UBE2L3: variants seen among roughly 807,000 people sequenced by gnomAD.
The protein encoded by UBE2L3 is ubiquitin conjugating enzyme E2 L3.
A neutral mutation model predicts 17.8 loss-of-function variants in UBE2L3; 1 was observed. The ratio of observed to expected loss-of-function variants is 0.06; its 90% confidence interval spans 0.02 to 0.27. The LOEUF (loss-of-function observed/expected upper bound fraction) is 0.27, where lower values mean the gene tolerates loss of function less well. Among genes scored for constraint, UBE2L3 ranks in the 10% least tolerant of loss-of-function variants. UBE2L3 has a pLI of 1.00. For missense variants in UBE2L3, 40 were observed against 192.6 expected, an observed-to-expected ratio of 0.21 and a Z score of 4.69; for synonymous variants, 44 against 68.5, an observed-to-expected ratio of 0.64 and a Z score of 1.76.
chr22:21,584,844 C>G (rs73400426), intron 1 of UBE2L3, among the ~76,000 whole-genome samples: 12,002 of 152,024 alleles, frequency 0.079, 1,641 homozygotes, highest in African/African-American at 0.27. Context: ...GCCTGTAGCC[C>G]CAGCTACTCA....
chr22:21,614,079 G>C (rs1039132562), intron 3 of UBE2L3, among the ~76,000 whole-genome samples: 3 of 152,200 alleles, frequency 2.0e-5, no homozygotes, highest in Non-Finnish European at 4.4e-5. Flanking sequence ...GAGTCCCCTT[G>C]CTGCCTCCTC....
chr22:21,584,117 C>T (rs1009345432), intron 1 of UBE2L3, among the ~76,000 whole-genome samples: 15 of 152,004 alleles, frequency 9.9e-5, no homozygotes, highest in African/African-American at 2.2e-4. Context: ...TCAGGTGATC[C>T]GCCCGCCTTG....
chr22:21,597,807 T>TTTTTTTTTTTTTTTTG (rs1555885603), intron 2 of UBE2L3, among the ~76,000 whole-genome samples: 1 of 77,938 alleles, frequency 1.3e-5, no homozygotes, highest in Non-Finnish European at 2.6e-5. Flanking sequence ...TTTTTTTTTT[T>TTTTTTTTTTTTTTTTG]GAGACAGGCT....
intron 1 of UBE2L3, among the ~76,000 whole-genome samples, chr22:21,559,686 C>T (rs1189600211): frequency 6.6e-6 from 1 of 151,818 alleles, no homozygotes; most frequent in African/African-American, 2.4e-5. Flanking sequence ...CCCCAGCCTC[C>T]TGCAGTCTGG....
intron 1 of UBE2L3, chr22:21,568,014 C>A (rs1000824213): frequency 2.2e-5 from 29 of 1,324,988 alleles, no homozygotes; most frequent in Non-Finnish European, 2.8e-5. Flanking sequence ...CCGGGGCGTT[C>A]ACGCCACTCT....
intron 3 of UBE2L3, among the ~76,000 whole-genome samples, chr22:21,620,988 T>C (rs1361589741): frequency 1.3e-5 from 2 of 152,024 alleles, no homozygotes; most frequent in Non-Finnish European, 2.9e-5. Flanking sequence ...AGGCCTCCTA[T>C]CTCCAGAGTA....
intron 1 of UBE2L3, among the ~76,000 whole-genome samples, chr22:21,580,089 G>C (rs1294576414): frequency 6.6e-6 from 1 of 152,184 alleles, no homozygotes; most frequent in Non-Finnish European, 1.5e-5. Context: ...TACTATTCCA[G>C]AGCAAGCTAA....
intron 2 of UBE2L3, among the ~76,000 whole-genome samples, chr22:21,607,392 G>A (rs1010972578): frequency 1.3e-5 from 2 of 151,694 alleles, no homozygotes; most frequent in Non-Finnish European, 2.9e-5. Flanking sequence ...GCGGGTACCT[G>A]TAATCCCAGC....
chr22:21,616,946 CAT>C (rs1403972918), intron 3 of UBE2L3, among the ~76,000 whole-genome samples: 1 of 151,830 alleles, frequency 6.6e-6, no homozygotes, highest in Non-Finnish European at 1.5e-5. Context: ...CACGGTGGCT[CAT>C]GTCTGTAATC....
At chr22:21,566,604 C>T (rs1468186242), upstream of UBE2L3, among the ~76,000 whole-genome samples, 1 of 151,090 alleles carries the variant, frequency 6.6e-6, no homozygotes, top group African/African-American at 2.4e-5. Flanking sequence ...AAAAAATCAT[C>T]TGACCATGGA....
At chr22:21,595,058 G>A (rs1481062618) in intron 2 of UBE2L3, among the ~76,000 whole-genome samples, 1 of 152,206 alleles carries the variant, frequency 6.6e-6, no homozygotes, top group Non-Finnish European at 1.5e-5. Flanking sequence ...CACGCTGGCA[G>A]GGGCTATGGA....
intron 1 of UBE2L3, 26 bp downstream of exon 1, chr22:21,567,797 C>CA: frequency 6.4e-7 from 1 of 1,573,664 alleles, no homozygotes; most frequent in Admixed American, 1.9e-5. Context: ...TGGCAGCGGC[C>CA]GGGCGTGGGG....
upstream of UBE2L3, chr22:21,567,622 A>G (rs1324202924): frequency 2.0e-6 from 3 of 1,534,056 alleles, no homozygotes; most frequent in African/African-American, 4.1e-5. Context: ...AGCACACAGT[A>G]GGTGCTCCGC....
intron 2 of UBE2L3, among the ~76,000 whole-genome samples, chr22:21,596,335 G>T (rs1928522785): frequency 6.6e-6 from 1 of 152,044 alleles, no homozygotes; most frequent in Non-Finnish European, 1.5e-5. Context: ...CTACAGGTGT[G>T]TGCCACCACA....
Position 21,622,094 on chromosome 22 carries a change from C to T in UBE2L3, c.*425C>T, listed in dbSNP as rs542846456. 9 of 177,888 alleles carry T rather than the reference C, an allele frequency of 5.1e-5. No individual in the cohort carries two copies. The highest frequency in any genetic ancestry group is 1.8e-4 in the East Asian group (1 of 5,586). The allele number at this position is 177,888 out of a possible 1,614,324, so 11.0% of individuals were successfully genotyped here. ...TTCACTTACTTACTTCCCCAGACCC[C>T]GGGCTCGCCTCCACAAAGGAGAAGA... On this transcript the variant is annotated 3_prime_UTR_variant, in exon 4 of 4. Transcript: ENST00000342192.
chr22:21,570,952 A>C (rs1178222715), intron 1 of UBE2L3, among the ~76,000 whole-genome samples: 1 of 152,202 alleles, frequency 6.6e-6, no homozygotes, highest in East Asian at 1.9e-4. Flanking sequence ...GTAACAATGG[A>C]CTGTCTGCAG....
intron 2 of UBE2L3, among the ~76,000 whole-genome samples, chr22:21,602,556 G>T (rs1928922688): frequency 6.6e-6 from 1 of 152,206 alleles, no homozygotes; most frequent in African/African-American, 2.4e-5. Flanking sequence ...ATTCTTGAAA[G>T]GTTGCCATGG....
At chr22:21,577,147 T>C (rs1259992077) in intron 1 of UBE2L3, among the ~76,000 whole-genome samples, 1 of 151,924 alleles carries the variant, frequency 6.6e-6, no homozygotes, top group African/African-American at 2.4e-5. Context: ...CTTTTGTATT[T>C]TTAGTAGAAA....
intron 3 of UBE2L3, among the ~76,000 whole-genome samples, chr22:21,614,228 TC>T (rs1342847717): frequency 6.6e-6 from 1 of 152,222 alleles, no homozygotes; most frequent in Non-Finnish European, 1.5e-5. Context: ...GCTGCCACTG[TC>T]CTGCAAAGCC....
Sources: gnomAD v4.1 joint callset for allele counts (sites outside exome capture counted in the v4.1 genomes callset) on GRCh38, gnomAD v4.1.1 for gene constraint, MANE v1.5 for transcripts, NCBI Gene and HGNC (gene_info 2026-07-23, HGNC 2026-07-21) for gene names.